The following SPATA13 variants were observed in gnomAD, a reference collection of about 807,000 sequenced individuals.
SPATA13 encodes spermatogenesis-associated protein 13.
Under a neutral mutation model 104.0 loss-of-function variants are expected in SPATA13, and 50 were observed. The observed-to-expected ratio is 0.48, with a 90% CI of 0.38 to 0.61. SPATA13 has a LOEUF of 0.61. SPATA13 is among the 20% of genes least tolerant of loss of function. The pLI is 0.00. For synonymous variants in SPATA13, 606 were observed against 667.5 expected, an observed-to-expected ratio of 0.91 and a Z score of 1.42; for missense variants, 1,524 against 1,690.6, an observed-to-expected ratio of 0.90 and a Z score of 1.73.
At chr13:24,099,131 C>T (rs1287551950) in intron 3 of SPATA13, among the ~76,000 whole-genome samples, 1 of 152,022 alleles carries the variant, frequency 6.6e-6, no homozygotes, top group African/African-American at 2.4e-5. Flanking sequence ...AAATGGTCAT[C>T]CTCAGAGGGT....
chr13:24,092,259 GTGA>G (rs1235697978), intron 3 of SPATA13, among the ~76,000 whole-genome samples: 1 of 152,218 alleles, frequency 6.6e-6, no homozygotes, highest in African/African-American at 2.4e-5. Flanking sequence ...CAATGATCAT[GTGA>G]TGTTTTCTGG....
intron 2 of SPATA13, among the ~76,000 whole-genome samples, chr13:23,998,585 A>G (rs540678781): frequency 1.3e-5 from 2 of 152,308 alleles, no homozygotes; most frequent in African/African-American, 4.8e-5. Flanking sequence ...GATGAAATCC[A>G]GTTTGTCAGT....
chr13:24,074,870 A>C (rs1387867738), intron 3 of SPATA13, among the ~76,000 whole-genome samples: 4 of 152,216 alleles, frequency 2.6e-5, no homozygotes, highest in Non-Finnish European at 5.9e-5. Context: ...GGAGACATAC[A>C]GGAAAGGGAA....
At chr13:24,146,875 C>G (rs1190365532) in intron 3 of SPATA13, among the ~76,000 whole-genome samples, 2 of 151,902 alleles carry the variant, frequency 1.3e-5, no homozygotes, top group Admixed American at 1.3e-4. Context: ...ACCCCTCCCC[C>G]ACCAATTTTG....
chr13:24,286,859 G>A lies in SPATA13; in HGVS notation c.2576G>A (p.Cys859Tyr). Reference sequence around the variant, plus strand: ...GCCAGCCAGAGCCGCCACAGACACTGTGAGAACAAGCAGCAGATGCGGACC... The same window carrying A: ...GCCAGCCAGAGCCGCCACAGACACTATGAGAACAAGCAGCAGATGCGGACC... ...EEASQSRHRH[C>Y]ENKQQMRTNV... is the part of the protein sequence containing the mutation. The change falls in exon 7 of 13, where the codon TGT (cysteine) becomes TAT (tyrosine). Residue 859 changes from cysteine to tyrosine, a missense_variant. This residue lies in a region of SPATA13 where 435 missense variants were observed against 554.8 expected (regional missense o/e 0.78). Coordinates refer to ENST00000382108, the MANE Select transcript of SPATA13 (RefSeq NM_001166271.3). This position sits in a 1 kb window ranked among gnomAD's most constrained non-coding sequence, Gnocchi z 4.9. 2.5e-6 allele frequency: 4 copies of A among 1,613,900 alleles called. No individual in the cohort carries two copies. The highest frequency in any genetic ancestry group is 3.4e-6 in the Non-Finnish European group (4 of 1,179,998).
chr13:23,999,367 C>CTAAAAAAAAA (rs1491475536), intron 2 of SPATA13, among the ~76,000 whole-genome samples: 1 of 6,570 alleles, frequency 1.5e-4, no homozygotes, highest in Admixed American at 1.2e-3. Context: ...TCATTTTCTA[C>CTAAAAAAAAA]CAAAAAAAAA....
At chr13:24,159,206 A>G (rs1482254524), upstream of SPATA13, among the ~76,000 whole-genome samples, 1 of 152,204 alleles carries the variant, frequency 6.6e-6, no homozygotes. Flanking sequence ...TTTATAGAGT[A>G]GAAATAAAAT....
chr13:24,191,379 A>T (rs1227362652), intron 1 of SPATA13, among the ~76,000 whole-genome samples: 3 of 152,064 alleles, frequency 2.0e-5, no homozygotes, highest in African/African-American at 7.2e-5. Context: ...GCATTGGGAA[A>T]CCAAAAACTT....
chr13:24,293,259 C>T (rs1876533858), intron 9 of SPATA13, among the ~76,000 whole-genome samples: 1 of 149,272 alleles, frequency 6.7e-6, no homozygotes, highest in African/African-American at 2.5e-5. Context: ...GTCAAGAGAG[C>T]CACAAAATTG....
At chr13:24,094,797 GAATA>G (rs1880019553) in intron 3 of SPATA13, among the ~76,000 whole-genome samples, 1 of 152,066 alleles carries the variant, frequency 6.6e-6, no homozygotes, top group Non-Finnish European at 1.5e-5. Context: ...AAATATTTCA[GAATA>G]AATAAATAAA....
At chr13:24,301,094 C>T (rs1877156599) in intron 12 of SPATA13, among the ~76,000 whole-genome samples, 1 of 152,170 alleles carries the variant, frequency 6.6e-6, no homozygotes, top group South Asian at 2.1e-4. Context: ...GATTTGTCCA[C>T]ACAAATCTGG....
At chr13:24,285,215 T>A (rs904923737) in intron 5 of SPATA13, among the ~76,000 whole-genome samples, 1 of 152,194 alleles carries the variant, frequency 6.6e-6, no homozygotes, top group African/African-American at 2.4e-5. Context: ...TTTTTAATTG[T>A]TAACGATCTC....
intron 3 of SPATA13, among the ~76,000 whole-genome samples, chr13:24,150,887 A>G (rs1882080875): frequency 6.6e-6 from 1 of 152,134 alleles, no homozygotes; most frequent in South Asian, 2.1e-4. Flanking sequence ...TCACAGCCAC[A>G]CGGAGACTGC....
At chr13:24,017,533 CAT>C (rs1393814751) in intron 2 of SPATA13, 4 of 194,876 alleles carry the variant, frequency 2.1e-5, no homozygotes, top group Admixed American at 1.3e-4. Context: ...GATATACACA[CAT>C]ATGTATATAT....
chr13:24,222,602 G>C (rs7335101), intron 1 of SPATA13, among the ~76,000 whole-genome samples: 56 of 151,984 alleles, frequency 3.7e-4, no homozygotes, highest in Non-Finnish European at 1.3e-4. Context: ...CTTCATGTCC[G>C]TGGCACAGCC....
In SPATA13 at chr13:24,223,053, G is replaced by A; in HGVS notation, c.124G>A (p.Val42Met). Residue 42 changes from valine (V) to methionine (M), a missense_variant, in exon 2 of 13, where the codon GTG (valine) becomes ATG (methionine). Physicochemically the swap from Val to Met is conservative, Grantham distance 21. Transcript: ENST00000382108. ...CTCGGACCTGAAAGACGCCAAGATG[G>A]TGACCTCCCTTGCGTGTGGAAATGG... ...AGSDLKDAKM[V>M]TSLACGNGVC... 6.4e-7 allele frequency: 1 copy of A among 1,551,744 alleles called. No homozygotes were observed. The highest frequency in any genetic ancestry group is 8.7e-7 in the Non-Finnish European group (1 of 1,147,006).
chr13:24,230,724 A>T (rs554706199), intron 2 of SPATA13, among the ~76,000 whole-genome samples: 4 of 152,302 alleles, frequency 2.6e-5, no homozygotes, highest in African/African-American at 9.6e-5. Context: ...TATTGTGCTC[A>T]GGGAGCTGCA....
intron 3 of SPATA13, among the ~76,000 whole-genome samples, chr13:24,021,627 C>T (rs1876974058): frequency 6.6e-6 from 1 of 152,176 alleles, no homozygotes; most frequent in Non-Finnish European, 1.5e-5. Context: ...ACCAAATGAT[C>T]TCTTAATCTG....
chr13:24,042,175 G>T (rs1050007883), intron 3 of SPATA13, among the ~76,000 whole-genome samples: 2 of 152,140 alleles, frequency 1.3e-5, no homozygotes, highest in Non-Finnish European at 2.9e-5. Context: ...AGTGTGGGTT[G>T]TGAGAGAGAA....
Sources: allele counts gnomAD v4.1 joint callset (sites outside exome capture counted in the v4.1 genomes callset), GRCh38; gene constraint gnomAD v4.1.1; regional missense constraint gnomAD v4.1.1; non-coding constraint Gnocchi (gnomAD v3.1); transcripts MANE v1.5; gene names NCBI Gene and HGNC (gene_info 2026-07-23, HGNC 2026-07-21).